Variants in TMEM143 observed in about 807,000 individuals in gnomAD.
TMEM143 encodes the protein transmembrane protein 143.
TMEM143 carries 45 observed loss-of-function variants against 40.3 expected under a neutral mutation model. The observed-to-expected ratio is 1.12, with a 90% confidence interval of 0.88 to 1.43. The LOEUF is 1.43. TMEM143 is among the 40% of genes most tolerant of loss of function. The pLI, the probability that TMEM143 is intolerant of heterozygous loss-of-function variation, is 0.00. For synonymous variants in TMEM143, 299 were observed against 282.7 expected (o/e 1.06, Z -0.58); for missense variants, 620 against 613.4 (o/e 1.01, Z -0.11).
Position 48,356,655 on chromosome 19 carries a change from T to C in TMEM143, c.369+3417A>G, listed in dbSNP as rs1969907156. Among the ~76,000 whole-genome samples the C allele has an allele frequency of 2.7e-5, 4 of 145,646 alleles. No homozygotes were observed. In the South Asian group the frequency reaches 8.7e-4, roughly 31 times the overall value. On this transcript the variant is annotated intron_variant, in intron 3 of 7. Transcript: ENST00000293261. Reference sequence around the variant, plus strand: ...TCTTATTGCCCAGGCTGCAGTGCAATGGTGCGATCTTGGCTCACTGCAACC... The same window carrying C: ...TCTTATTGCCCAGGCTGCAGTGCAACGGTGCGATCTTGGCTCACTGCAACC...
chr19:48,363,765 G>C, intron 1 of TMEM143, 133 bp downstream of exon 1: 1 of 1,495,456 alleles, frequency 6.7e-7, no homozygotes, highest in Non-Finnish European at 9.3e-7. Flanking sequence ...CAGAGACCCT[G>C]TAGTGGTACA....
intron 3 of TMEM143, among the ~76,000 whole-genome samples, chr19:48,355,917 C>T (rs1431410329): frequency 6.6e-6 from 1 of 152,178 alleles, no homozygotes; most frequent in Non-Finnish European, 1.5e-5. Context: ...AGGTCAGCCA[C>T]CATGCATATG....
rs1261987351 is a variant in TMEM143 at position 48,359,567 on chromosome 19, C to T, written c.369+505G>A. Among the ~76,000 whole-genome samples, 9 of 132,780 alleles carry T rather than the reference C, an allele frequency of 6.8e-5. No homozygotes were observed. In the East Asian group the frequency reaches 1.8e-3, roughly 26 times the overall value. The allele number at this position is 132,780 out of a possible 152,430, so 87.1% of individuals were successfully genotyped here. A position where few individuals can be genotyped will look rare whatever the true frequency, so the allele number is the denominator to read the frequency against. ...AGTCGCCCAGGCTGGAGTGCAGTGG[C>T]GCAATCTTGGCTCACTGCAAGCTCC... is the stretch of plus-strand genomic sequence containing the variant. On this transcript the variant is annotated intron_variant, in intron 3 of 7. Coordinates refer to ENST00000293261, the MANE Select transcript of TMEM143 (RefSeq NM_018273.4).
intron 3 of TMEM143, among the ~76,000 whole-genome samples, chr19:48,358,385 GA>G (rs1305154203): frequency 1.7e-4 from 22 of 129,890 alleles, no homozygotes; most frequent in South Asian, 4.8e-4. Flanking sequence ...CTCTGTCTCA[GA>G]AAAAAAAAAA....
intron 6 of TMEM143, among the ~76,000 whole-genome samples, chr19:48,340,473 A>G (rs1293617504): frequency 6.6e-6 from 1 of 151,658 alleles, no homozygotes; most frequent in African/African-American, 2.4e-5. Flanking sequence ...TATGTTGCCC[A>G]GGCTGGACTC....
chr19:48,354,264 CTTTTTTT>C (rs71181682), intron 3 of TMEM143, among the ~76,000 whole-genome samples: 2 of 110,326 alleles, frequency 1.8e-5, no homozygotes, highest in East Asian at 2.7e-4. Flanking sequence ...CAGACTTTTT[CTTTTTTT>C]TTTTTTTTTT....
At chr19:48,341,838 G>T (rs1227331024) in intron 6 of TMEM143, among the ~76,000 whole-genome samples, 1 of 152,010 alleles carries the variant, frequency 6.6e-6, no homozygotes, top group Non-Finnish European at 1.5e-5. Context: ...GGCACTCAGT[G>T]AGCGGCTGTC....
chr19:48,338,459 G>GC (rs1427660965), intron 6 of TMEM143, among the ~76,000 whole-genome samples: 1 of 152,234 alleles, frequency 6.6e-6, no homozygotes, highest in African/African-American at 2.4e-5. Context: ...TGCAGCGCAT[G>GC]CTGAAAAAGC....
chr19:48,336,922 G>A (rs1335700055), intron 6 of TMEM143, among the ~76,000 whole-genome samples: 1 of 151,906 alleles, frequency 6.6e-6, no homozygotes, highest in Non-Finnish European at 1.5e-5. Flanking sequence ...TCAGGAGGCT[G>A]AGGCAGGAGA....
At chr19:48,349,038 A>ATG (rs1969707918) in intron 3 of TMEM143, among the ~76,000 whole-genome samples, 2 of 152,078 alleles carry the variant, frequency 1.3e-5, no homozygotes, top group African/African-American at 4.8e-5. Flanking sequence ...TTATATATAT[A>ATG]AAAATTAGCC....
At chr19:48,360,779 G>A (rs1262059943) in intron 2 of TMEM143, among the ~76,000 whole-genome samples, 2 of 151,948 alleles carry the variant, frequency 1.3e-5, no homozygotes, top group Non-Finnish European at 2.9e-5. Context: ...TCCAGAAGTA[G>A]ATGGAATTAT....
In TMEM143 at chr19:48,333,136, T is replaced by A. The variant is rs45545737; in HGVS notation, c.*83A>T. On this transcript the variant is annotated 3_prime_UTR_variant, in exon 8 of 8. Transcript: ENST00000293261. The surrounding 1 kb of genome is among the most constrained non-coding windows in gnomAD (Gnocchi z 4.1). ...TTATTGGAAGTTGGAGTGAAAAGTA[T>A]AATAACCGTAATTGACAGCCTGTCG... 6.0e-3 allele frequency: 6,697 copies of A among 1,123,420 alleles called. 34 individuals are homozygous for A. Among genetic ancestry groups the A allele is most frequent in the Non-Finnish European group, 7.5e-3 (6,230 of 829,060 alleles). 69.6% of individuals were successfully genotyped at this position (1,123,420 alleles called of 1,614,324 possible).
At position 48,345,220 on chromosome 19, in the gene TMEM143, C is replaced by T. The variant is rs200070999; in HGVS notation, c.504G>A (p.Pro168=). ...CGTAGGCCAGGGTGTCCTCAGACAG[C>T]GGGGAGAAGTTGGCCTGGGCCAGCA... ...EPLLAQANFS[P]LSEDTLAYAL... is the part of the protein sequence containing the mutation. The change falls in exon 4 of 8, where the codon CCG becomes CCA. Residue 168 remains proline (P), a synonymous_variant. Coordinates refer to ENST00000293261, the MANE Select transcript of TMEM143 (RefSeq NM_018273.4). The T allele has an allele frequency of 2.9e-5, 46 of 1,613,374 alleles. No individual in the cohort carries two copies. Among genetic ancestry groups the T allele is most frequent in the Admixed American group, 3.3e-5 (2 of 59,972 alleles).
chr19:48,334,394 T>TTTTCTTTTTC (rs1206514900), intron 6 of TMEM143, among the ~76,000 whole-genome samples, 197 bp from the exon 7 acceptor site: 2 of 147,732 alleles, frequency 1.4e-5, no homozygotes, highest in Non-Finnish European at 3.0e-5. Flanking sequence ...GGGGTCTGTC[T>TTTTCTTTTTC]TTTCTTTTTC....
intron 6 of TMEM143, among the ~76,000 whole-genome samples, chr19:48,335,974 G>T (rs1969357754): frequency 6.6e-6 from 1 of 152,188 alleles, no homozygotes; most frequent in Non-Finnish European, 1.5e-5. Flanking sequence ...GGGCCCAGCT[G>T]TCTACTGGCT....
In TMEM143 at chr19:48,340,874, G is replaced by T. The variant is rs150329423; in HGVS notation, c.975+1656C>A. Among the ~76,000 whole-genome samples the T allele has an allele frequency of 2.2e-4, 34 of 152,102 alleles. No homozygotes were observed. The East Asian group carries it at 6.6e-3, about 29-fold the overall frequency. ...CACTGGATCCAGCCCCATGAGATAC[G>T]CCAGGCTGAGCTCGTGGGCTCTTTC... On this transcript the variant is annotated intron_variant, in intron 6 of 7. Coordinates refer to ENST00000293261, the MANE Select transcript of TMEM143 (RefSeq NM_018273.4).
At chr19:48,346,872 C>T (rs2147370287) in intron 3 of TMEM143, among the ~76,000 whole-genome samples, 2 of 152,310 alleles carry the variant, frequency 1.3e-5, no homozygotes, top group South Asian at 4.1e-4. Context: ...GCCATCGCAC[C>T]TGGCCTACTC....
chr19:48,358,654 C>G (rs1391621052), intron 3 of TMEM143, among the ~76,000 whole-genome samples: 1 of 152,172 alleles, frequency 6.6e-6, no homozygotes, highest in Non-Finnish European at 1.5e-5. Context: ...ACATAACCAG[C>G]ATCTGACCGT....
Position 48,342,559 on chromosome 19 carries a change from C to G in TMEM143, c.946G>C (p.Ala316Pro), listed in dbSNP as rs368208555. The G allele has an allele frequency of 1.2e-6, 2 of 1,610,974 alleles. No homozygotes were observed. Residue 316 changes from alanine to proline, a missense_variant, in exon 6 of 8, where the codon GCC becomes CCC. Physicochemically the swap from Ala to Pro is conservative, Grantham distance 27 (BLOSUM62 -1). Transcript: ENST00000293261. ...VATSLLLLLF[A>P]IFMGLRASKM... The stretch of plus-strand genomic sequence containing the variant: ...GAGGCCCGCAGGCCCATGAAGATGG[C>G]GAAGAGCAGCAGCAGCAGGGAGGTG...
Sources: gnomAD v4.1 joint callset for allele counts (sites outside exome capture counted in the v4.1 genomes callset) on GRCh38, gnomAD v4.1.1 for gene constraint, Gnocchi (gnomAD v3.1) non-coding constraint, MANE v1.5 for transcripts, NCBI Gene and HGNC (gene_info 2026-07-23, HGNC 2026-07-21) for gene names.